The following RNF38 variants were observed in gnomAD, a reference collection of about 807,000 sequenced individuals.
The protein encoded by RNF38 is E3 ubiquitin-protein ligase RNF38.
RNF38 carries 15 observed loss-of-function variants against 67.2 expected under a neutral mutation model. That is an observed-to-expected ratio of 0.22 (90% CI 0.15 to 0.34). The LOEUF (loss-of-function observed/expected upper bound fraction) is 0.34. Among genes scored for constraint, RNF38 ranks in the 10% least tolerant of loss-of-function variants. The probability of loss-of-function intolerance (pLI) is 1.00; values close to 1 mark genes in which losing one functional copy is unlikely to be tolerated. For missense variants in RNF38, 524 were observed against 639.9 expected, an observed-to-expected ratio of 0.82 and a Z score of 1.95; for synonymous variants, 220 against 218.8, an observed-to-expected ratio of 1.01 and a Z score of -0.05.
At chr9:36,391,542 C>A (rs1293449940) in intron 1 of RNF38, among the ~76,000 whole-genome samples, 1 of 151,652 alleles carries the variant, frequency 6.6e-6, no homozygotes, top group Non-Finnish European at 1.5e-5. Flanking sequence ...CTCATTCATT[C>A]ACTCAATCCT....
chr9:36,421,867 T>C (rs1056834949), intron 2 of RNF38, among the ~76,000 whole-genome samples: 1 of 152,090 alleles, frequency 6.6e-6, no homozygotes, highest in African/African-American at 2.4e-5. Flanking sequence ...GTTGTATATG[T>C]AGCGATCTGA....
chr9:36,343,826 T>C lies in RNF38; in HGVS notation c.1385+1006A>G, dbSNP rs1317842793. ...ACCCTATATTGTATGACCCCATTTA[T>C]GTGTAATCTATATAGACACAGTGTA... On this transcript the variant is annotated intron_variant, in intron 10 of 11. Transcript: ENST00000259605. Among the ~76,000 whole-genome samples, 3 of 152,190 alleles carry C rather than the reference T, an allele frequency of 2.0e-5. No homozygotes were observed. In the East Asian group the frequency reaches 5.8e-4, roughly 29 times the overall value.
At chr9:36,447,312 A>G (rs1421351573) in intron 1 of RNF38, among the ~76,000 whole-genome samples, 1 of 152,128 alleles carries the variant, frequency 6.6e-6, no homozygotes, top group African/African-American at 2.4e-5. Flanking sequence ...CTTCTAGACC[A>G]AAAGTTGCTT....
chr9:36,383,873 G>A (rs912727699), intron 2 of RNF38, among the ~76,000 whole-genome samples: 3 of 151,738 alleles, frequency 2.0e-5, no homozygotes, highest in Non-Finnish European at 2.9e-5. Flanking sequence ...TGCTCAGAAA[G>A]GCACTCTAGT....
At chr9:36,400,376 G>C, upstream of RNF38, 1 of 1,177,062 alleles carries the variant, frequency 8.5e-7, no homozygotes, top group Non-Finnish European at 1.1e-6. Flanking sequence ...CATCTGCCGG[G>C]CAGCGGGCCG....
chr9:36,343,752 T>A (rs1587458681), intron 10 of RNF38, among the ~76,000 whole-genome samples: 1 of 152,142 alleles, frequency 6.6e-6, no homozygotes, highest in Non-Finnish European at 1.5e-5. Context: ...CAGTAAAAGC[T>A]ACAATATAGA....
intron 1 of RNF38, among the ~76,000 whole-genome samples, chr9:36,438,107 A>G (rs534840684): frequency 8.5e-5 from 13 of 152,114 alleles, no homozygotes; most frequent in African/African-American, 3.1e-4. Context: ...AGGCTCAGCT[A>G]ATTTTTTATT....
At chr9:36,391,190 A>T (rs1402394119) in intron 1 of RNF38, among the ~76,000 whole-genome samples, 1 of 152,230 alleles carries the variant, frequency 6.6e-6, no homozygotes, top group Non-Finnish European at 1.5e-5. Flanking sequence ...TCATAAGCAC[A>T]AAAGTAAATG....
At chr9:36,487,173 G>A in intron 1 of RNF38, 10 of 556,760 alleles carry the variant, frequency 1.8e-5, no homozygotes, top group Non-Finnish European at 2.3e-5. Context: ...CAGGGGCTCC[G>A]GGGCCGGACA....
At chr9:36,459,966 A>G (rs1228926725) in intron 1 of RNF38, among the ~76,000 whole-genome samples, 1 of 152,052 alleles carries the variant, frequency 6.6e-6, no homozygotes, top group African/African-American at 2.4e-5. Flanking sequence ...ACTATAAGAG[A>G]AAATTTTTTA....
intron 1 of RNF38, among the ~76,000 whole-genome samples, chr9:36,441,066 G>A (rs1398386260): frequency 6.6e-6 from 1 of 152,112 alleles, no homozygotes; most frequent in African/African-American, 2.4e-5. Context: ...ACTATGGAGT[G>A]GGAGAGTCGG....
intron 1 of RNF38, among the ~76,000 whole-genome samples, chr9:36,483,718 G>T (rs1840334698): frequency 6.6e-6 from 1 of 152,216 alleles, no homozygotes. Context: ...TCTGCAGAGG[G>T]ATGGATCATC....
At chr9:36,475,883 G>A (rs1004709125) in intron 1 of RNF38, among the ~76,000 whole-genome samples, 2 of 150,628 alleles carry the variant, frequency 1.3e-5, no homozygotes, top group Non-Finnish European at 3.0e-5. Flanking sequence ...AGGCATGGTG[G>A]CTGTAGTCCC....
intron 6 of RNF38, among the ~76,000 whole-genome samples, chr9:36,355,328 T>C (rs1478048455): frequency 2.0e-5 from 3 of 152,248 alleles, no homozygotes; most frequent in African/African-American, 7.2e-5. Flanking sequence ...GTCTTGATGC[T>C]GAACCTGGCC....
intron 2 of RNF38, among the ~76,000 whole-genome samples, chr9:36,422,224 C>T (rs1838646883): frequency 6.6e-6 from 1 of 152,072 alleles, no homozygotes; most frequent in African/African-American, 2.4e-5. Flanking sequence ...GAGGGAGACT[C>T]TATCTCAAAA....
intron 2 of RNF38, among the ~76,000 whole-genome samples, chr9:36,422,756 TTCC>T (rs1036793947): frequency 1.3e-5 from 2 of 152,192 alleles, no homozygotes; most frequent in Non-Finnish European, 2.9e-5. Context: ...CTTAATAATA[TTCC>T]TTAAACTTCT....
chr9:36,451,257 A>T (rs1266607922), intron 1 of RNF38, among the ~76,000 whole-genome samples: 1 of 151,952 alleles, frequency 6.6e-6, no homozygotes, highest in Non-Finnish European at 1.5e-5. Flanking sequence ...TGAGGTCAGG[A>T]GTTTGAGACC....
At chr9:36,433,961 A>G (rs1002585277) in intron 1 of RNF38, among the ~76,000 whole-genome samples, 1 of 151,842 alleles carries the variant, frequency 6.6e-6, no homozygotes, top group Non-Finnish European at 1.5e-5. Context: ...CTTTTAGGCC[A>G]GGCGCGGTGG....
upstream of RNF38, among the ~76,000 whole-genome samples, chr9:36,402,287 G>A (rs994473299): frequency 2.0e-5 from 3 of 152,134 alleles, no homozygotes; most frequent in African/African-American, 7.2e-5. Context: ...TAACCAGCTG[G>A]CTGGCTCTCT....
Sources: allele counts gnomAD v4.1 joint callset (sites outside exome capture counted in the v4.1 genomes callset), GRCh38; gene constraint gnomAD v4.1.1; transcripts MANE v1.5; gene names NCBI Gene and HGNC (gene_info 2026-07-23, HGNC 2026-07-21).